KIF20B: variants seen among roughly 807,000 people sequenced by gnomAD.
KIF20B encodes kinesin family member 20B, also known as kinesin-like protein KIF20B.
Under a neutral mutation model 232.5 loss-of-function variants are expected in KIF20B, and 188 were observed. The ratio of observed to expected loss-of-function variants is 0.81; its 90% CI spans 0.72 to 0.91. KIF20B has a LOEUF of 0.91. KIF20B is among the 40% of genes least tolerant of loss of function. KIF20B has a pLI of 0.00. For synonymous variants in KIF20B, 712 were observed against 683.0 expected (o/e 1.04, Z -0.66); for missense variants, 2,154 against 2,055.9 (o/e 1.05, Z -0.92).
At position 89,737,613 on chromosome 10, in the gene KIF20B, A is replaced by G; in HGVS notation, c.2772A>G (p.Lys924=). Residue 924 remains lysine, a synonymous_variant, in exon 20 of 33, where the codon AAA becomes AAG. Transcript: ENST00000371728. ...AGCAGGAACTTTCTCTTTCTGAAAAAAAGAATTTAACTTTAAGTAAAGAGG... is the reference window on the plus strand; with the variant it reads ...AGCAGGAACTTTCTCTTTCTGAAAAGAAGAATTTAACTTTAAGTAAAGAGG... ...HFQQELSLSE[K]KNLTLSKEVQ... is the part of the protein sequence containing the mutation. The G allele has an allele frequency of 6.2e-7, 1 of 1,605,220 alleles. No homozygotes were observed. The highest frequency in any genetic ancestry group is 1.3e-5 in the African/African-American group (1 of 74,526).
At chr10:89,715,204 T>A in intron 8 of KIF20B, 22 bp downstream of exon 8, 1 of 1,439,690 alleles carries the variant, frequency 6.9e-7, no homozygotes, top group Non-Finnish European at 9.6e-7. Flanking sequence ...AATATTTTTA[T>A]CTTATTGCTC....
chr10:89,767,437 A>G (rs1842385983), intron 29 of KIF20B, among the ~76,000 whole-genome samples: 1 of 149,708 alleles, frequency 6.7e-6, no homozygotes, highest in Admixed American at 6.8e-5. Context: ...TTTCACTGGC[A>G]TCCTATGATT....
intron 18 of KIF20B, among the ~76,000 whole-genome samples, chr10:89,732,407 G>A (rs1176506272): frequency 1.3e-5 from 2 of 151,940 alleles, no homozygotes; most frequent in Non-Finnish European, 2.9e-5. Context: ...ACAGGCAGGA[G>A]CCCCTGTGCT....
intron 6 of KIF20B, among the ~76,000 whole-genome samples, chr10:89,713,418 C>G (rs1207632859): frequency 1.4e-5 from 2 of 143,472 alleles, no homozygotes; most frequent in East Asian, 4.0e-4. Context: ...ACTGTTTTGC[C>G]TATGAAATGA....
At chr10:89,736,952 G>A (rs1322087272) in intron 19 of KIF20B, among the ~76,000 whole-genome samples, 3 of 152,040 alleles carry the variant, frequency 2.0e-5, no homozygotes, top group Non-Finnish European at 2.9e-5. Context: ...TGCTAATATA[G>A]TAAAAGCCAC....
chr10:89,752,134 T>C (rs1354780734), intron 24 of KIF20B, among the ~76,000 whole-genome samples: 1 of 152,054 alleles, frequency 6.6e-6, no homozygotes, highest in Non-Finnish European at 1.5e-5. Flanking sequence ...TCAGATGAGA[T>C]GAAAAAATGT....
rs911437972 is a variant in KIF20B, at chr10:89,730,331, C to T, written c.2391+1084C>T. On this transcript the variant is annotated intron_variant, in intron 18 of 32. Transcript: ENST00000371728. ...CAAGAAACACTTGTGGAGTGTCCAACGTGTGCCAGGTACTATGCTAGATTA... is the reference window on the plus strand; with the variant it reads ...CAAGAAACACTTGTGGAGTGTCCAATGTGTGCCAGGTACTATGCTAGATTA... Among the ~76,000 whole-genome samples, 23 of 151,998 alleles carry T rather than the reference C, an allele frequency of 1.5e-4. No individual in the cohort carries two copies. In the East Asian group the frequency reaches 1.7e-3, roughly 11 times the overall value.
intron 16 of KIF20B, 29 bp downstream of exon 16, chr10:89,726,550 G>C (rs758179594): frequency 4.7e-6 from 7 of 1,499,986 alleles, no homozygotes; most frequent in Non-Finnish European, 5.4e-6. Context: ...CTTTTATTTA[G>C]ATATTGTAAA....
intron 29 of KIF20B, among the ~76,000 whole-genome samples, chr10:89,764,246 A>G (rs1266445994): frequency 6.6e-6 from 1 of 151,926 alleles, no homozygotes; most frequent in Admixed American, 6.6e-5. Flanking sequence ...TTATGGCTGC[A>G]TGGTATTCCA....
At chr10:89,772,148 ATG>A (rs1564678225) in intron 31 of KIF20B, among the ~76,000 whole-genome samples, 55 of 152,228 alleles carry the variant, frequency 3.6e-4, no homozygotes, top group Admixed American at 2.5e-3. Flanking sequence ...ACTATGTACT[ATG>A]TACATAGTAA....
chr10:89,760,727 C>G, intron 28 of KIF20B, 91 bp downstream of exon 28: 1 of 755,570 alleles, frequency 1.3e-6, no homozygotes, highest in South Asian at 1.6e-5. Flanking sequence ...AGATACCTTA[C>G]TGCACAATTA....
At chr10:89,747,590 C>T (rs1841940827) in intron 23 of KIF20B, among the ~76,000 whole-genome samples, 1 of 151,654 alleles carries the variant, frequency 6.6e-6, no homozygotes, top group Non-Finnish European at 1.5e-5. Context: ...TTTGTAGGGA[C>T]ATGGATGAAG....
intron 19 of KIF20B, among the ~76,000 whole-genome samples, chr10:89,736,695 G>A (rs78058554): frequency 0.027 from 4,085 of 152,212 alleles, 359 homozygotes; most frequent in East Asian, 0.27. Context: ...CTTCTGTACA[G>A]ATTTTCAGGT....
Position 89,768,378 on chromosome 10 carries a change from A to G in KIF20B, c.5078A>G (p.Lys1693Arg), listed in dbSNP as rs1197571196. 2 of 1,555,570 alleles carry G rather than the reference A, an allele frequency of 1.3e-6. No individual in the cohort carries two copies. Among genetic ancestry groups the G allele is most frequent in the Admixed American group, 3.7e-5 (2 of 54,462 alleles). The change falls in exon 30 of 33, where the codon AAA becomes AGA. Residue 1693 changes from lysine (K) to arginine (R), a missense_variant. Physicochemically the swap from Lys to Arg is conservative, Grantham distance 26. Transcript: ENST00000371728. ...TCAGATGATAGAAATTCTTCTGTCA[A>G]AAAGGAACAAAAGGTGTGTCTTTTA... ...PISDDRNSSV[K>R]KEQKVAIRPS...
At chr10:89,727,638 T>A (rs1030849609) in intron 16 of KIF20B, among the ~76,000 whole-genome samples, 12 of 152,206 alleles carry the variant, frequency 7.9e-5, no homozygotes, top group Non-Finnish European at 1.5e-4. Flanking sequence ...ATTTTTATCC[T>A]GAGTTTTAGA....
At chr10:89,720,001 A>G (rs1843017176) in intron 13 of KIF20B, among the ~76,000 whole-genome samples, 1 of 152,200 alleles carries the variant, frequency 6.6e-6, no homozygotes, top group South Asian at 2.1e-4. Context: ...ATATTTGAAC[A>G]TATTTTTCTA....
chr10:89,710,123 G>T, intron 5 of KIF20B, 58 bp downstream of exon 5: 2 of 1,433,664 alleles, frequency 1.4e-6, no homozygotes, highest in Non-Finnish European at 1.9e-6. Context: ...ATCACTCAGT[G>T]TTTTTATAAT....
At chr10:89,709,035 C>G in intron 2 of KIF20B, 132 bp from the exon 3 acceptor site, 1 of 656,794 alleles carries the variant, frequency 1.5e-6, no homozygotes, top group Admixed American at 3.1e-5. Flanking sequence ...TTATTAAAAG[C>G]AGGATAGTGA....
At chr10:89,745,691 A>G (rs918189968) in intron 22 of KIF20B, among the ~76,000 whole-genome samples, 9 of 151,790 alleles carry the variant, frequency 5.9e-5, no homozygotes, top group Non-Finnish European at 1.2e-4. Flanking sequence ...GCTCACTGCA[A>G]TCTCTACTTC....
Sources: gnomAD v4.1 joint callset for allele counts (sites outside exome capture counted in the v4.1 genomes callset) on GRCh38, gnomAD v4.1.1 for gene constraint, MANE v1.5 for transcripts, NCBI Gene and HGNC (gene_info 2026-07-23, HGNC 2026-07-21) for gene names.